Variants in SYNPO observed in about 807,000 individuals in gnomAD.
SYNPO encodes synaptopodin.
In SYNPO, 19 loss-of-function variants were observed where a neutral mutation model predicts 49.5. The observed-to-expected ratio is 0.38, with a 90% CI of 0.27 to 0.56. The LOEUF (loss-of-function observed/expected upper bound fraction) is 0.56, where lower values mean the gene tolerates loss of function less well. SYNPO is among the 20% of genes least tolerant of loss of function. The pLI is 0.68. For missense variants in SYNPO, 1,131 were observed against 1,248.3 expected, an observed-to-expected ratio of 0.91 and a Z score of 1.42; for synonymous variants, 536 against 548.0, an observed-to-expected ratio of 0.98 and a Z score of 0.31.
chr5:150,625,068 C>A (rs888582506), intron 2 of SYNPO, among the ~76,000 whole-genome samples: 2 of 152,224 alleles, frequency 1.3e-5, no homozygotes, highest in Non-Finnish European at 2.9e-5. Context: ...ACACTTTGGG[C>A]CTCAGTTTCC....
At chr5:150,629,507 G>C (rs1021089548) in intron 2 of SYNPO, among the ~76,000 whole-genome samples, 1 of 152,258 alleles carries the variant, frequency 6.6e-6, no homozygotes, top group Non-Finnish European at 1.5e-5. Flanking sequence ...GTGTGACAAA[G>C]CTCCTTACTG....
intron 2 of SYNPO, chr5:150,652,087 G>T (rs1385055727): frequency 4.0e-6 from 4 of 999,910 alleles, no homozygotes; most frequent in Non-Finnish European, 4.8e-6. Flanking sequence ...GGGAACAGGG[G>T]TGCCTTCTTA....
rs202176402 is a variant in SYNPO, at chr5:150,634,827, A to AAC, written c.401-13082_401-13081dup. On this transcript the variant is annotated intron_variant, in intron 2 of 2. Transcript: ENST00000394243. The stretch of plus-strand genomic sequence containing the variant: ...GGTGACAGAGTGAGACCCTGTCTAA[A>AAC]ACACACACACACACACACACACACA... Among the ~76,000 whole-genome samples, 1,048 of 124,748 alleles carry AAC rather than the reference A, an allele frequency of 8.4e-3. 6 individuals are homozygous for AAC. Among genetic ancestry groups the AAC allele is most frequent in the East Asian group, 0.018 (76 of 4,156 alleles). The allele number at this position is 124,748 out of a possible 152,430, so 81.8% of individuals were successfully genotyped here.
At position 150,602,997 on chromosome 5, in the gene SYNPO, G is replaced by GGTGTGTGTGTGTGTGT. The variant is rs3062133; in HGVS notation, c.-266+1839_-266+1854dup. On this transcript the variant is annotated intron_variant, in intron 1 of 2. Coordinates refer to the SYNPO transcript ENST00000394243. Reference sequence around the variant, plus strand: ...GTGGAAAGCCCAGTTGCCACCTTAGGGTGTGTGTGTGTGTGTGTGTGTGTG... The same window carrying GGTGTGTGTGTGTGTGT: ...GTGGAAAGCCCAGTTGCCACCTTAGGGTGTGTGTGTGTGTGTGTGTGTGTGTGTGTGTGTGTGTGTG... 5.4e-3 allele frequency among the ~76,000 whole-genome samples: 702 copies of GGTGTGTGTGTGTGTGT among 131,214 alleles called. 6 individuals are homozygous for GGTGTGTGTGTGTGTGT. Among genetic ancestry groups the GGTGTGTGTGTGTGTGT allele is most frequent in the African/African-American group, 0.016 (549 of 33,780 alleles). The allele number at this position is 131,214 out of a possible 152,430, so 86.1% of individuals were successfully genotyped here. A position where few individuals can be genotyped will look rare whatever the true frequency, so the allele number is the denominator to read the frequency against.
chr5:150,592,553 G>A, the SYNPO span, among the ~76,000 whole-genome samples: 1 of 152,346 alleles, frequency 6.6e-6, no homozygotes, highest in East Asian at 1.9e-4. Flanking sequence ...AGTAGGTTAA[G>A]AACATCCCAA....
chr5:150,594,676 G>A, the SYNPO span, among the ~76,000 whole-genome samples: 1 of 152,214 alleles, frequency 6.6e-6, no homozygotes, highest in African/African-American at 2.4e-5. Context: ...TCATCATCAA[G>A]TCTTTCAGTT....
intron 1 of SYNPO, among the ~76,000 whole-genome samples, chr5:150,609,794 G>GT (rs1378327534): frequency 6.6e-6 from 1 of 151,642 alleles, no homozygotes; most frequent in Non-Finnish European, 1.5e-5. Flanking sequence ...GGCGGGGGGG[G>GT]GCAGTGTGGA....
chr5:150,599,450 AC>A (rs373402058), upstream of SYNPO, among the ~76,000 whole-genome samples: 194 of 152,266 alleles, frequency 1.3e-3, 2 homozygotes, highest in African/African-American at 4.1e-3. Context: ...TAGTCTTGGG[AC>A]CAATGCTGGG....
upstream of SYNPO, among the ~76,000 whole-genome samples, chr5:150,600,541 T>C (rs1756502945): frequency 6.6e-6 from 1 of 152,286 alleles, no homozygotes; most frequent in South Asian, 2.1e-4. Flanking sequence ...ATCTCTGCAA[T>C]GAGGATAGCA....
chr5:150,651,198 T>C, intron 2 of SYNPO: 2 of 1,011,034 alleles, frequency 2.0e-6, no homozygotes, highest in Non-Finnish European at 2.4e-6. Flanking sequence ...ATCCATTGGC[T>C]GTTTTGGCTT....
chr5:150,600,000 A>G (rs1274453366), upstream of SYNPO, among the ~76,000 whole-genome samples: 2 of 152,190 alleles, frequency 1.3e-5, no homozygotes, highest in Non-Finnish European at 2.9e-5. Flanking sequence ...GGGAGCTGGG[A>G]ACAGCTTGCC....
At chr5:150,596,171 T>C (rs1381348318), upstream of SYNPO, among the ~76,000 whole-genome samples, 2 of 152,200 alleles carry the variant, frequency 1.3e-5, no homozygotes. Context: ...CTCTGCTTCC[T>C]GACCCCTACT....
At chr5:150,608,545 A>C (rs1012462567) in intron 1 of SYNPO, 5 of 151,544 alleles carry the variant, frequency 3.3e-5, no homozygotes, top group East Asian at 2.0e-4. Context: ...AATGAATAAA[A>C]CCCACTATTT....
intron 2 of SYNPO, among the ~76,000 whole-genome samples, chr5:150,629,822 C>G (rs548313710): frequency 1.3e-5 from 2 of 152,242 alleles, no homozygotes; most frequent in Admixed American, 1.3e-4. Flanking sequence ...GAAACTGAGG[C>G]ACAGAGAAGT....
rs199513414 is a variant in SYNPO at position 150,649,544 on chromosome 5, G to C, written c.1269G>C (p.Leu423=). The C allele has an allele frequency of 3.7e-6, 6 of 1,610,176 alleles. No individual in the cohort carries two copies. The highest frequency in any genetic ancestry group is 2.2e-5 in the East Asian group (1 of 44,684). Residue 423 remains leucine (L), a synonymous_variant, in exon 2 of 3, where the codon CTG becomes CTC. Coordinates refer to ENST00000307662, the MANE Select transcript of SYNPO (RefSeq NM_007286.6). ...GCGTGGAGGAGGAGCCCTTCGCACT[G>C]GGGGCCGAGGCCTCCAACTTCCAGC... ...EVGVEEEPFA[L]GAEASNFQQE... is the part of the protein sequence containing the mutation.
At chr5:150,651,551 G>A in intron 2 of SYNPO, 1 of 1,002,180 alleles carries the variant, frequency 1.0e-6, no homozygotes, top group Non-Finnish European at 1.2e-6. Flanking sequence ...GTGAGGGAAG[G>A]GTTGGAATGA....
chr5:150,619,089 C>T (rs957662072), intron 2 of SYNPO, among the ~76,000 whole-genome samples: 6 of 151,996 alleles, frequency 3.9e-5, no homozygotes, highest in African/African-American at 7.2e-5. Context: ...TAATCATTAG[C>T]GGCAACAAAT....
the SYNPO span, among the ~76,000 whole-genome samples, chr5:150,591,081 A>C: frequency 6.6e-6 from 1 of 151,568 alleles, no homozygotes; most frequent in African/African-American, 2.4e-5. Context: ...GGGGGCACTA[A>C]TGGTGTCTGG....
Position 150,656,425 on chromosome 5 carries a change from A to G in SYNPO, c.2050A>G (p.Thr684Ala). ...CCAGGACCGCCGGGAGAGCCTGCCC[A>G]CCTCCCCACCCTGGACGCCGGGCGC... is the stretch of plus-strand genomic sequence containing the variant. ...EAQDRRESLP[T>A]SPPWTPGASR... is the part of the protein sequence containing the mutation. Residue 684 changes from threonine to alanine, a missense_variant, in exon 3 of 3, where the codon ACC (threonine) becomes GCC (alanine). Thr to Ala is a moderately conservative substitution (Grantham distance 58). Transcript: ENST00000307662. The G allele has an allele frequency of 6.6e-7, 1 of 1,524,676 alleles. No homozygotes were observed. Among genetic ancestry groups the G allele is most frequent in the Non-Finnish European group, 8.8e-7 (1 of 1,142,562 alleles). 94.4% of individuals were successfully genotyped at this position (1,524,676 alleles called of 1,614,324 possible).
Sources: gnomAD v4.1 joint callset for allele counts (sites outside exome capture counted in the v4.1 genomes callset) on GRCh38, gnomAD v4.1.1 for gene constraint, MANE v1.5 for transcripts, NCBI Gene and HGNC (gene_info 2026-07-23, HGNC 2026-07-21) for gene names.